Variants in CNTNAP2 observed in about 807,000 individuals in gnomAD.
CNTNAP2 encodes contactin-associated protein-like 2.
Under a neutral mutation model 155.2 loss-of-function variants are expected in CNTNAP2, and 98 were observed. That is an observed-to-expected ratio of 0.63 (90% CI 0.54 to 0.75). The LOEUF is 0.75. Among genes scored for constraint, CNTNAP2 ranks in the 30% least tolerant of loss-of-function variants. The pLI, the probability that CNTNAP2 is intolerant of heterozygous loss-of-function variation, is 0.00. For synonymous variants in CNTNAP2, 651 were observed against 631.2 expected, an observed-to-expected ratio of 1.03 and a Z score of -0.47; for missense variants, 1,727 against 1,688.1, an observed-to-expected ratio of 1.02 and a Z score of -0.40.
At chr7:148,241,180 C>T (rs1796135696) in intron 20 of CNTNAP2, among the ~76,000 whole-genome samples, 1 of 152,110 alleles carries the variant, frequency 6.6e-6, no homozygotes, top group African/African-American at 2.4e-5. Context: ...GGAGTAAGTC[C>T]ATCTTTTCTA....
chr7:148,202,273 G>A (rs1316723426), intron 18 of CNTNAP2, among the ~76,000 whole-genome samples: 5 of 152,136 alleles, frequency 3.3e-5, no homozygotes, highest in Admixed American at 3.3e-4. Flanking sequence ...AGCAACAGAT[G>A]CTTTCTGGAA....
At chr7:147,626,059 G>T (rs996369163) in intron 12 of CNTNAP2, among the ~76,000 whole-genome samples, 2 of 152,124 alleles carry the variant, frequency 1.3e-5, no homozygotes, top group African/African-American at 4.8e-5. Context: ...TCTTATAGGG[G>T]CCCTTGGGGA....
intron 13 of CNTNAP2, among the ~76,000 whole-genome samples, chr7:147,874,154 C>G (rs1276781549): frequency 2.6e-5 from 4 of 152,124 alleles, no homozygotes; most frequent in African/African-American, 9.7e-5. Flanking sequence ...CTCAGTGGAT[C>G]TACCATTCTG....
At chr7:148,012,905 A>G (rs866426930) in intron 15 of CNTNAP2, among the ~76,000 whole-genome samples, 1 of 152,156 alleles carries the variant, frequency 6.6e-6, no homozygotes, top group Non-Finnish European at 1.5e-5. Flanking sequence ...GTGGAGGTGG[A>G]GCTGCTGGTT....
intron 12 of CNTNAP2, among the ~76,000 whole-genome samples, chr7:147,568,643 C>G (rs1024096986): frequency 6.6e-6 from 1 of 152,086 alleles, no homozygotes; most frequent in Non-Finnish European, 1.5e-5. Flanking sequence ...GGTGTTAAAA[C>G]TTTTGTGAAT....
At chr7:146,660,379 A>G (rs1021507282) in intron 1 of CNTNAP2, among the ~76,000 whole-genome samples, 10 of 152,244 alleles carry the variant, frequency 6.6e-5, no homozygotes, top group African/African-American at 2.4e-4. Flanking sequence ...GCAAAGTCAG[A>G]AAGACCTGAG....
chr7:147,101,578 C>T (rs181396292), intron 4 of CNTNAP2, among the ~76,000 whole-genome samples: 14 of 152,220 alleles, frequency 9.2e-5, no homozygotes, highest in African/African-American at 3.1e-4. Context: ...AGAATCAGGT[C>T]ACATGGACTT....
At chr7:148,118,851 A>C (rs571007685) in intron 16 of CNTNAP2, among the ~76,000 whole-genome samples, 1 of 152,324 alleles carries the variant, frequency 6.6e-6, no homozygotes, top group South Asian at 2.1e-4. Flanking sequence ...CCAAAGATAC[A>C]GAGACAATAA....
chr7:147,580,907 C>T (rs753208382), intron 12 of CNTNAP2, among the ~76,000 whole-genome samples: 53 of 152,172 alleles, frequency 3.5e-4, no homozygotes, highest in Non-Finnish European at 4.9e-4. Flanking sequence ...TGAGCCAGTG[C>T]GCTCAGCCCA....
chr7:147,616,096 T>A (rs559698184), intron 12 of CNTNAP2, among the ~76,000 whole-genome samples: 1 of 152,292 alleles, frequency 6.6e-6, no homozygotes, highest in South Asian at 2.1e-4. Context: ...ATCCAAAACA[T>A]GACCAGATCT....
chr7:147,492,348 G>A (rs540964292), intron 11 of CNTNAP2, among the ~76,000 whole-genome samples: 21 of 152,262 alleles, frequency 1.4e-4, no homozygotes, highest in East Asian at 9.7e-4. Context: ...AGTTACTAAC[G>A]GGTTGGGGAC....
At chr7:146,544,608 T>A (rs1240782397) in intron 1 of CNTNAP2, among the ~76,000 whole-genome samples, 1 of 151,980 alleles carries the variant, frequency 6.6e-6, no homozygotes, top group Non-Finnish European at 1.5e-5. Flanking sequence ...TGAGGAAAGA[T>A]AACTAGGATC....
chr7:148,179,653 AAG>A (rs1029104179), intron 18 of CNTNAP2, among the ~76,000 whole-genome samples: 7 of 149,984 alleles, frequency 4.7e-5, no homozygotes, highest in African/African-American at 1.5e-4. Context: ...AAGAGTGAGA[AAG>A]AGAGAGAACA....
chr7:146,183,803 C>A (rs898243115), intron 1 of CNTNAP2, among the ~76,000 whole-genome samples: 4 of 152,138 alleles, frequency 2.6e-5, no homozygotes, highest in Middle Eastern at 6.8e-3. Flanking sequence ...AATACTCCTC[C>A]CACCTATAAT....
chr7:147,060,618 C>T (rs535742621), intron 4 of CNTNAP2, among the ~76,000 whole-genome samples: 19 of 152,058 alleles, frequency 1.2e-4, no homozygotes, highest in Admixed American at 3.9e-4. Flanking sequence ...AATCTCAGCA[C>T]TCTGGGAGGC....
chr7:147,439,495 C>A (rs1156660943), intron 10 of CNTNAP2, among the ~76,000 whole-genome samples: 1 of 151,624 alleles, frequency 6.6e-6, no homozygotes, highest in Non-Finnish European at 1.5e-5. Flanking sequence ...GTTTTGTGAC[C>A]TAACATATGG....
intron 3 of CNTNAP2, among the ~76,000 whole-genome samples, chr7:146,851,353 A>C (rs1794874220): frequency 6.6e-6 from 1 of 152,308 alleles, no homozygotes; most frequent in East Asian, 1.9e-4. Context: ...CTTAAAAGTT[A>C]GAAGATCTTG....
intron 12 of CNTNAP2, among the ~76,000 whole-genome samples, chr7:147,592,296 T>A (rs1800750449): frequency 1.3e-5 from 2 of 152,300 alleles, no homozygotes; most frequent in African/African-American, 4.8e-5. Context: ...AATATTCTAA[T>A]GGTAATCAAT....
chr7:147,356,701 T>C (rs1796067683), intron 9 of CNTNAP2, among the ~76,000 whole-genome samples: 1 of 152,126 alleles, frequency 6.6e-6, no homozygotes, highest in Non-Finnish European at 1.5e-5. Flanking sequence ...AAGAAATATT[T>C]CATGAAAAAA....
Sources: gnomAD v4.1 joint callset for allele counts (sites outside exome capture counted in the v4.1 genomes callset) on GRCh38, gnomAD v4.1.1 for gene constraint, MANE v1.5 for transcripts, NCBI Gene and HGNC (gene_info 2026-07-23, HGNC 2026-07-21) for gene names.